Variants in RHOBTB2 observed in about 807,000 individuals in gnomAD.
RHOBTB2 encodes Rho related BTB domain containing 2.
A neutral mutation model predicts 66.5 loss-of-function variants in RHOBTB2; 39 were observed. The ratio of observed to expected loss-of-function variants is 0.59; its 90% CI spans 0.45 to 0.77. The LOEUF (loss-of-function observed/expected upper bound fraction) is 0.77, where lower values mean the gene tolerates loss of function less well. Ranked by LOEUF, RHOBTB2 falls within the 30% of genes least tolerant of loss-of-function variation. The pLI is 0.00. For missense variants in RHOBTB2, 755 were observed against 999.1 expected (o/e 0.76, Z 3.29); for synonymous variants, 390 against 395.0 (o/e 0.99, Z 0.15).
At chr8:22,998,411 G>A (rs1810638709), upstream of RHOBTB2, among the ~76,000 whole-genome samples, 1 of 152,122 alleles carries the variant, frequency 6.6e-6, no homozygotes, top group South Asian at 2.1e-4. Context: ...AATCAAACCA[G>A]ACTGAGCTGA....
At chr8:22,951,407 A>G in the RHOBTB2 span, among the ~76,000 whole-genome samples, 1 of 152,020 alleles carries the variant, frequency 6.6e-6, no homozygotes, top group Non-Finnish European at 1.5e-5. Context: ...TAAAGAGTCC[A>G]CCAAGCAGGC....
chr8:22,961,987 T>C, the RHOBTB2 span, among the ~76,000 whole-genome samples: 3 of 151,954 alleles, frequency 2.0e-5, no homozygotes, highest in African/African-American at 7.2e-5. Flanking sequence ...TTTCTCAGAA[T>C]ATATAAGTTT....
chr8:23,013,791 C>A (rs181518524), intron 7 of RHOBTB2, among the ~76,000 whole-genome samples: 1 of 152,198 alleles, frequency 6.6e-6, no homozygotes, highest in Non-Finnish European at 1.5e-5. Context: ...CCACCGTGCC[C>A]GGCCAGTTGT....
At chr8:22,993,280 C>T (rs1262777039) in intron 2 of RHOBTB2, among the ~76,000 whole-genome samples, 2 of 152,176 alleles carry the variant, frequency 1.3e-5, no homozygotes, top group Non-Finnish European at 2.9e-5. Flanking sequence ...CCGCCTCAGC[C>T]TCCAGAGTAG....
In RHOBTB2 at chr8:23,014,734, G is replaced by A; in HGVS notation, c.1816G>A (p.Val606Met). The change falls in exon 8 of 10, where the codon GTG (valine) becomes ATG (methionine). Residue 606 changes from valine (V) to methionine (M), a missense_variant. Around this residue, in one of 7 missense-constraint regions of RHOBTB2, gnomAD observed 353 missense variants for 458.2 expected, o/e 0.77. Coordinates refer to ENST00000251822, the MANE Select transcript of RHOBTB2 (RefSeq NM_015178.3). ...GCTGATGGAAGCGACCCAGATGATGGTGGACATCGATGGGGACGTCCTTGT... is the reference window on the plus strand; with the variant it reads ...GCTGATGGAAGCGACCCAGATGATGATGGACATCGATGGGGACGTCCTTGT... ...TGLMEATQMM[V>M]DIDGDVLVFL... 6.2e-7 allele frequency: 1 copy of A among 1,614,216 alleles called. No individual in the cohort carries two copies.
At chr8:22,972,105 G>A in the RHOBTB2 span, among the ~76,000 whole-genome samples, 35,832 of 152,062 alleles carry the variant, frequency 0.24, 5,249 homozygotes, top group East Asian at 0.52. Context: ...GATGGTGGGC[G>A]TCAGTCACGA....
At chr8:22,985,215 T>C (rs1214259396), upstream of RHOBTB2, among the ~76,000 whole-genome samples, 3 of 152,216 alleles carry the variant, frequency 2.0e-5, no homozygotes, top group Non-Finnish European at 4.4e-5. Flanking sequence ...AAATGGAGGC[T>C]GCAAAAGGCC....
chr8:22,998,724 C>CAAA (rs555614764), upstream of RHOBTB2, among the ~76,000 whole-genome samples: 5,223 of 80,350 alleles, frequency 0.065, 390 homozygotes, highest in East Asian at 0.21. Flanking sequence ...GAGGGAGACT[C>CAAA]AAAAAAAAAA....
Position 23,019,921 on chromosome 8 carries a change from GAAGGA to G in RHOBTB2, c.*2453_*2457del. Reference sequence around the variant, plus strand: ...GGAGGAGCAGGCAGGAGAGAGAGGGGAAGGAGGTATGAATCCCAGTCCCCAGGAAC... The same window carrying G: ...GGAGGAGCAGGCAGGAGAGAGAGGGGGGTATGAATCCCAGTCCCCAGGAAC... On this transcript the variant is annotated 3_prime_UTR_variant, in exon 10 of 10. Transcript: ENST00000251822. 1 of 243,710 alleles carries G rather than the reference GAAGGA, an allele frequency of 4.1e-6. No homozygotes were observed. The highest frequency in any genetic ancestry group is 4.9e-5 in the South Asian group (1 of 20,538). 15.1% of individuals were successfully genotyped at this position (243,710 alleles called of 1,614,324 possible). A position where few individuals can be genotyped will look rare whatever the true frequency, so the allele number is the denominator to read the frequency against.
At chr8:22,992,883 G>A (rs530790878) in intron 2 of RHOBTB2, among the ~76,000 whole-genome samples, 7 of 152,356 alleles carry the variant, frequency 4.6e-5, no homozygotes, top group African/African-American at 1.4e-4. Flanking sequence ...CTGGGGGAAT[G>A]GGCACAGGAG....
chr8:22,985,968 C>T (rs1395306748), upstream of RHOBTB2, among the ~76,000 whole-genome samples: 2 of 152,184 alleles, frequency 1.3e-5, no homozygotes, highest in African/African-American at 2.4e-5. Flanking sequence ...AGGAGCAAGG[C>T]TGGGACCCCT....
chr8:22,979,369 A>G, the RHOBTB2 span, among the ~76,000 whole-genome samples: 32 of 152,226 alleles, frequency 2.1e-4, no homozygotes, highest in Non-Finnish European at 4.0e-4. Context: ...TCTAAGAACA[A>G]TAATTTTACC....
At chr8:22,996,541 G>GTGTGTGTGTC (rs1810568227), upstream of RHOBTB2, among the ~76,000 whole-genome samples, 2 of 137,846 alleles carry the variant, frequency 1.5e-5, no homozygotes, top group Non-Finnish European at 3.2e-5. Flanking sequence ...GTGTGTGTGT[G>GTGTGTGTGTC]TGTGTGTGTG....
At chr8:22,989,490 C>T (rs753251232) in intron 1 of RHOBTB2, among the ~76,000 whole-genome samples, 15 of 152,164 alleles carry the variant, frequency 9.9e-5, no homozygotes, top group Non-Finnish European at 1.3e-4. Flanking sequence ...GATTGTTCCC[C>T]GGGGTGCTTG....
Position 23,004,827 on chromosome 8 carries a change from TTG to T in RHOBTB2, c.192+205_192+206del, listed in dbSNP as rs910489337. On this transcript the variant is annotated intron_variant, in intron 2 of 9. Coordinates refer to ENST00000251822, the MANE Select transcript of RHOBTB2 (RefSeq NM_015178.3). The surrounding 1 kb of genome is among the most constrained non-coding windows in gnomAD (Gnocchi z 6.4). ...GCCCCAGGGAAGTGTCTCTGGCTGGTTGTGTTTTCAGGGACTGAGCTGGTGCC... is the reference window on the plus strand; with the variant it reads ...GCCCCAGGGAAGTGTCTCTGGCTGGTTGTTTTCAGGGACTGAGCTGGTGCC... The T allele has an allele frequency of 3.3e-5, 20 of 606,846 alleles. No individual in the cohort carries two copies. The highest frequency in any genetic ancestry group is 5.5e-5 in the Non-Finnish European group (19 of 343,996). The allele number at this position is 606,846 out of a possible 1,614,324, so 37.6% of individuals were successfully genotyped here.
intron 7 of RHOBTB2, among the ~76,000 whole-genome samples, chr8:23,013,742 C>T (rs561780641): frequency 2.0e-5 from 3 of 152,304 alleles, no homozygotes; most frequent in Admixed American, 1.3e-4. Context: ...GTGATCCACC[C>T]GCCTTGGCCT....
Position 22,999,808 on chromosome 8 carries a change from G to C in RHOBTB2, c.-308G>C, listed in dbSNP as rs1397242091. 1 of 983,360 alleles carries C rather than the reference G, an allele frequency of 1.0e-6. No individual in the cohort carries two copies. The highest frequency in any genetic ancestry group is 1.2e-6 in the Non-Finnish European group (1 of 829,638). The allele number at this position is 983,360 out of a possible 1,614,324, so 60.9% of individuals were successfully genotyped here. On this transcript the variant is annotated 5_prime_UTR_variant, in exon 1 of 10. Transcript: ENST00000251822. ...CGCTGCCTCCGCAGCCCGGCTCCGC[G>C]CGCCGCCGTGACATTGGGCGCCTGG...
intron 2 of RHOBTB2, among the ~76,000 whole-genome samples, chr8:22,993,919 G>T (rs1810482883): frequency 6.6e-6 from 1 of 152,200 alleles, no homozygotes. Flanking sequence ...AGGTGGGGAC[G>T]TTGCAGAATT....
intron 2 of RHOBTB2, chr8:22,994,531 G>A (rs771607387): frequency 2.8e-5 from 39 of 1,395,970 alleles, no homozygotes; most frequent in Admixed American, 2.8e-4. Context: ...CCCCTGCCCC[G>A]CCCCATCCAC....
Sources: gnomAD v4.1 joint callset for allele counts (sites outside exome capture counted in the v4.1 genomes callset) on GRCh38, gnomAD v4.1.1 for gene constraint, gnomAD v4.1.1 regional missense constraint, Gnocchi (gnomAD v3.1) non-coding constraint, MANE v1.5 for transcripts, NCBI Gene and HGNC (gene_info 2026-07-23, HGNC 2026-07-21) for gene names.